The following MECOM variants were observed in gnomAD, a reference collection of about 807,000 sequenced individuals.
MECOM encodes MDS1 and EVI1 complex locus, also known as histone-lysine N-methyltransferase MECOM.
Under a neutral mutation model 116.3 loss-of-function variants are expected in MECOM, and 13 were observed. The ratio of observed to expected loss-of-function variants is 0.11; its 90% CI spans 0.07 to 0.18. The LOEUF (loss-of-function observed/expected upper bound fraction) is 0.18, where lower values mean the gene tolerates loss of function less well. MECOM is among the 10% of genes least tolerant of loss of function. The pLI, the probability that MECOM is intolerant of heterozygous loss-of-function variation, is 1.00. For synonymous variants in MECOM, 528 were observed against 535.2 expected, an observed-to-expected ratio of 0.99 and a Z score of 0.19; for missense variants, 1,299 against 1,509.0, an observed-to-expected ratio of 0.86 and a Z score of 2.31.
At chr3:169,103,298 A>G (rs1050496805) in intron 10 of MECOM, among the ~76,000 whole-genome samples, 1 of 151,884 alleles carries the variant, frequency 6.6e-6, no homozygotes, top group Non-Finnish European at 1.5e-5. Flanking sequence ...CCACAGCCAG[A>G]GGGACTCTCC....
chr3:169,635,040 A>G (rs901776124), intron 1 of MECOM, among the ~76,000 whole-genome samples: 28 of 152,088 alleles, frequency 1.8e-4, no homozygotes, highest in African/African-American at 6.8e-4. Flanking sequence ...AGCAGACACT[A>G]CAGAGGGCAC....
chr3:169,416,649 A>C (rs780244211), intron 1 of MECOM, among the ~76,000 whole-genome samples: 13 of 152,262 alleles, frequency 8.5e-5, no homozygotes, highest in Non-Finnish European at 1.3e-4. Context: ...ACTAATAAGG[A>C]AGAAAAGAGA....
chr3:169,131,077 CT>C (rs1330705799), intron 4 of MECOM, among the ~76,000 whole-genome samples: 1 of 152,130 alleles, frequency 6.6e-6, no homozygotes, highest in Non-Finnish European at 1.5e-5. Context: ...GAAACATCCC[CT>C]TGATTTAGGA....
intron 1 of MECOM, among the ~76,000 whole-genome samples, chr3:169,493,282 AT>A (rs1253762709): frequency 6.7e-6 from 1 of 148,652 alleles, no homozygotes; most frequent in East Asian, 1.9e-4. Context: ...AGCATGTCTC[AT>A]AAAACTTGAT....
intron 1 of MECOM, among the ~76,000 whole-genome samples, chr3:169,647,971 T>C (rs928909087): frequency 1.3e-5 from 2 of 152,094 alleles, no homozygotes; most frequent in Non-Finnish European, 1.5e-5. Flanking sequence ...CAAAATATAC[T>C]GAAGTTTTGA....
At chr3:169,615,238 T>C (rs953003060) in intron 1 of MECOM, among the ~76,000 whole-genome samples, 1 of 152,232 alleles carries the variant, frequency 6.6e-6, no homozygotes, top group African/African-American at 2.4e-5. Flanking sequence ...ATGTCTCCTC[T>C]AGCCAACTAT....
At chr3:169,262,360 T>C (rs1457035031) in intron 2 of MECOM, among the ~76,000 whole-genome samples, 2 of 152,228 alleles carry the variant, frequency 1.3e-5, no homozygotes, top group Non-Finnish European at 2.9e-5. Flanking sequence ...AAATGTCTCC[T>C]CTGGGAAGCC....
intron 1 of MECOM, among the ~76,000 whole-genome samples, chr3:169,551,172 T>C (rs1761360401): frequency 6.6e-6 from 1 of 152,108 alleles, no homozygotes; most frequent in Non-Finnish European, 1.5e-5. Context: ...TGATTACACC[T>C]AAATAATCCA....
intron 1 of MECOM, among the ~76,000 whole-genome samples, chr3:169,654,854 G>A (rs551594918): frequency 1.3e-5 from 2 of 149,252 alleles, no homozygotes; most frequent in East Asian, 3.9e-4. Context: ...ATTAACTTGA[G>A]GTGGGGAAGA....
intron 2 of MECOM, among the ~76,000 whole-genome samples, chr3:169,339,458 G>T (rs554873460): frequency 7.9e-5 from 12 of 152,320 alleles, no homozygotes; most frequent in African/African-American, 2.4e-4. Flanking sequence ...ACAGGCAAAT[G>T]ATTTGAAGGG....
intron 2 of MECOM, among the ~76,000 whole-genome samples, chr3:169,356,735 C>T (rs1244363003): frequency 2.0e-5 from 3 of 151,858 alleles, no homozygotes; most frequent in Admixed American, 2.0e-4. Context: ...TTGTCTAATC[C>T]GTAGGCCCTC....
intron 2 of MECOM, among the ~76,000 whole-genome samples, chr3:169,370,249 G>A (rs1240046726): frequency 6.6e-6 from 1 of 151,936 alleles, no homozygotes; most frequent in African/African-American, 2.4e-5. Flanking sequence ...TTCAAGAAGG[G>A]TGCCAACAAC....
At chr3:169,379,617 G>A (rs779704512) in intron 2 of MECOM, among the ~76,000 whole-genome samples, 2 of 152,112 alleles carry the variant, frequency 1.3e-5, no homozygotes, top group African/African-American at 4.8e-5. Context: ...TAGGTATTAT[G>A]TTTAAAACGG....
intron 2 of MECOM, among the ~76,000 whole-genome samples, chr3:169,228,890 T>C (rs955808683): frequency 6.6e-6 from 1 of 152,208 alleles, no homozygotes; most frequent in African/African-American, 2.4e-5. Flanking sequence ...AAATCCCAAA[T>C]TGGGCCACTC....
At chr3:169,203,084 A>G (rs1470812656) in intron 2 of MECOM, among the ~76,000 whole-genome samples, 1 of 152,134 alleles carries the variant, frequency 6.6e-6, no homozygotes, top group Non-Finnish European at 1.5e-5. Flanking sequence ...TTTTCATGGT[A>G]TATTGAGGAT....
Position 169,319,346 on chromosome 3 carries a change from T to G in MECOM, c.375+61841A>C, listed in dbSNP as rs1009553125. On this transcript the variant is annotated intron_variant, in intron 2 of 16. Transcript: ENST00000651503. ...GGAACAGAAAACCAAACACTGCATG[T>G]TCTCACTCGTAAGAGGGAGTTGAAC... Among the ~76,000 whole-genome samples, 19 of 152,232 alleles carry G rather than the reference T, an allele frequency of 1.2e-4. No individual in the cohort carries two copies. The East Asian group carries it at 3.7e-3, about 29-fold the overall frequency.
intron 1 of MECOM, among the ~76,000 whole-genome samples, chr3:169,501,901 G>A (rs954735876): frequency 1.3e-5 from 2 of 151,900 alleles, no homozygotes; most frequent in African/African-American, 4.8e-5. Flanking sequence ...ATGATTGCTG[G>A]GTCAGCCACT....
At chr3:169,124,414 T>C (rs973945662) in intron 5 of MECOM, among the ~76,000 whole-genome samples, 5 of 151,958 alleles carry the variant, frequency 3.3e-5, no homozygotes, top group Admixed American at 6.6e-5. Flanking sequence ...GAGACTGCCC[T>C]CTGGGGGAGC....
At chr3:169,248,056 G>A (rs1220091260) in intron 2 of MECOM, among the ~76,000 whole-genome samples, 3 of 152,146 alleles carry the variant, frequency 2.0e-5, no homozygotes, top group Non-Finnish European at 2.9e-5. Flanking sequence ...ATAAAATCAT[G>A]TGTTTAAGTA....
Sources: allele counts gnomAD v4.1 joint callset (sites outside exome capture counted in the v4.1 genomes callset), GRCh38; gene constraint gnomAD v4.1.1; transcripts MANE v1.5; gene names NCBI Gene and HGNC (gene_info 2026-07-23, HGNC 2026-07-21).